The following ABHD2 variants were observed in gnomAD, a reference collection of about 807,000 sequenced individuals.
ABHD2 encodes the protein monoacylglycerol lipase ABHD2.
A neutral mutation model predicts 48.1 loss-of-function variants in ABHD2; 20 were observed. The observed-to-expected ratio is 0.42, with a 90% CI of 0.29 to 0.60. ABHD2 has a LOEUF of 0.60. Among genes scored for constraint, ABHD2 ranks in the 20% least tolerant of loss-of-function variants. ABHD2 has a pLI of 0.24. For synonymous variants in ABHD2, 209 were observed against 214.2 expected (o/e 0.98, Z 0.21); for missense variants, 405 against 550.9 (o/e 0.74, Z 2.65).
rs74777716 is a variant in ABHD2 at position 89,111,816 on chromosome 15, T to G, written c.-106-1909T>G. Among the ~76,000 whole-genome samples, 1,211 of 152,310 alleles carry G rather than the reference T, an allele frequency of 8.0e-3. 13 individuals are homozygous for G. Among genetic ancestry groups the G allele is most frequent in the African/African-American group, 0.027 (1,131 of 41,556 alleles). On this transcript the variant is annotated intron_variant, in intron 1 of 10. Coordinates refer to ENST00000352732, the MANE Select transcript of ABHD2 (RefSeq NM_152924.5). ...TTTCTTGAAGCTGTCTCAAATAGTT[T>G]GTGGAAAGAGTTAAGGTATAAATAA... is the stretch of plus-strand genomic sequence containing the variant.
At position 89,201,779 on chromosome 15, in the gene ABHD2, C is replaced by T. The variant is rs568177208; in HGVS notation, c.*6356C>T. On this transcript the variant is annotated 3_prime_UTR_variant, in exon 11 of 11. Transcript: ENST00000352732. ...GGACCAGGATCTGCTCGTGCTTCGC[C>T]GTGGCCCCGGAGGCAGACGCCATTG... 62 of 1,491,886 alleles carry T rather than the reference C, an allele frequency of 4.2e-5. No homozygotes were observed. The highest frequency in any genetic ancestry group is 6.8e-5 in the South Asian group (6 of 88,514). 92.4% of individuals were successfully genotyped at this position (1,491,886 alleles called of 1,614,324 possible).
the ABHD2 span, among the ~76,000 whole-genome samples, chr15:89,069,674 CTTTTTT>C: frequency 3.4e-4 from 18 of 52,900 alleles, no homozygotes; most frequent in African/African-American, 1.0e-3. Flanking sequence ...TTCATTTACT[CTTTTTT>C]TTTTTTTTTT....
intron 3 of ABHD2, among the ~76,000 whole-genome samples, chr15:89,122,647 C>G (rs1596084435): frequency 6.6e-6 from 1 of 152,192 alleles, no homozygotes; most frequent in Non-Finnish European, 1.5e-5. Context: ...AATGGCAGTT[C>G]ACAGCCTCCA....
intron 5 of ABHD2, among the ~76,000 whole-genome samples, chr15:89,170,007 G>A (rs79907450): frequency 0.016 from 2,319 of 147,776 alleles, 30 homozygotes; most frequent in South Asian, 0.03. Context: ...GGGAGAGGGT[G>A]CCAGCCCCAC....
rs1304589212 is a variant in ABHD2, at chr15:89,104,032, C to G, written c.-106-9693C>G. The G allele has an allele frequency of 2.0e-5, 3 of 152,222 alleles. No homozygotes were observed. The allele number at this position is 152,222 out of a possible 1,614,324, so 9.4% of individuals were successfully genotyped here. A position where few individuals can be genotyped will look rare whatever the true frequency, so the allele number is the denominator to read the frequency against. ...ACTGGCAGGAGATCCTGTTTCTACT[C>G]ACAGCGTCCGAGGTATTTATAAAAC... On this transcript the variant is annotated intron_variant, in intron 1 of 10. Coordinates refer to ENST00000352732, the MANE Select transcript of ABHD2 (RefSeq NM_152924.5). This position sits in a 1 kb window ranked among gnomAD's most constrained non-coding sequence, Gnocchi z 4.4.
At position 89,177,175 on chromosome 15, in the gene ABHD2, G is replaced by A. The variant is rs374645017; in HGVS notation, c.722+1180G>A. 2.0e-5 allele frequency among the ~76,000 whole-genome samples: 3 copies of A among 152,094 alleles called. No homozygotes were observed. Among genetic ancestry groups the A allele is most frequent in the African/African-American group, 4.8e-5 (2 of 41,390 alleles). On this transcript the variant is annotated intron_variant, in intron 6 of 10. Coordinates refer to ENST00000352732, the MANE Select transcript of ABHD2 (RefSeq NM_152924.5). The surrounding 1 kb of genome is among the most constrained non-coding windows in gnomAD (Gnocchi z 5.6). ...GGTCTGGGTTCTATTTTTCCGTGCC[G>A]GCAATATGGGGATGATGATGATAAG...
chr15:89,110,634 T>C (rs914045100), intron 1 of ABHD2, among the ~76,000 whole-genome samples: 4 of 152,174 alleles, frequency 2.6e-5, no homozygotes, highest in African/African-American at 9.7e-5. Context: ...GTCAGGTACT[T>C]AATTAAGCCT....
chr15:89,119,783 T>G (rs2050018625), intron 3 of ABHD2, among the ~76,000 whole-genome samples: 1 of 152,346 alleles, frequency 6.6e-6, no homozygotes, highest in Admixed American at 6.5e-5. Flanking sequence ...CACTGGAAGC[T>G]ACTGTCCCCC....
In ABHD2 at chr15:89,110,665, C is replaced by T. The variant is rs548752148; in HGVS notation, c.-106-3060C>T. Among the ~76,000 whole-genome samples the T allele has an allele frequency of 1.7e-4, 26 of 152,122 alleles. 1 individual carries two copies. The highest frequency in any genetic ancestry group is 1.7e-3 in the Admixed American group (26 of 15,276). On this transcript the variant is annotated intron_variant, in intron 1 of 10. Transcript: ENST00000352732. ...AGCCTGCTGAAACTCCAGGGAGTAC[C>T]CCCAGGGACATGCAGAACTGACCTG...
the ABHD2 span, among the ~76,000 whole-genome samples, chr15:89,055,586 C>A: frequency 1.3e-5 from 2 of 152,086 alleles, no homozygotes. Flanking sequence ...CCGCTGGCCT[C>A]GGCCTCCCAA....
At chr15:89,108,503 G>A (rs1335974192) in intron 1 of ABHD2, among the ~76,000 whole-genome samples, 3 of 152,198 alleles carry the variant, frequency 2.0e-5, no homozygotes, top group African/African-American at 4.8e-5. Context: ...TCCAAATACC[G>A]TCACATTCAC....
intron 3 of ABHD2, among the ~76,000 whole-genome samples, chr15:89,130,134 CAA>C (rs1030732328): frequency 2.0e-5 from 3 of 152,142 alleles, no homozygotes; most frequent in African/African-American, 7.2e-5. Context: ...GCAATATTGT[CAA>C]AATTATATTA....
chr15:89,122,701 G>T (rs527270511), intron 3 of ABHD2, among the ~76,000 whole-genome samples: 1 of 152,312 alleles, frequency 6.6e-6, no homozygotes, highest in South Asian at 2.1e-4. Flanking sequence ...ACCAGGTCCC[G>T]GTTGGGAAGT....
intron 1 of ABHD2, among the ~76,000 whole-genome samples, chr15:89,108,430 G>C (rs1385169654): frequency 6.6e-6 from 1 of 152,158 alleles, no homozygotes; most frequent in Non-Finnish European, 1.5e-5. Context: ...CAGTCATGGG[G>C]TTAGGACTCC....
Position 89,135,144 on chromosome 15 carries a change from T to TTTTCTTC in ABHD2, c.195-16530_195-16529insCTTCTTT, listed in dbSNP as rs1555429066. Among the ~76,000 whole-genome samples the TTTTCTTC allele has an allele frequency of 9.2e-5, 8 of 86,654 alleles. 1 individual carries two copies. In the Admixed American group the frequency reaches 9.7e-4, roughly 10 times the overall value. 56.8% of individuals were successfully genotyped at this position (86,654 alleles called of 152,430 possible). A position where few individuals can be genotyped will look rare whatever the true frequency, so the allele number is the denominator to read the frequency against. On this transcript the variant is annotated intron_variant, in intron 3 of 10. Transcript: ENST00000352732. Reference sequence around the variant, plus strand: ...TCAACAAAATGGCTACAACTTTTTCTTTTTTTTTTTTTTTTTTGCAATTAC... The same window carrying TTTTCTTC: ...TCAACAAAATGGCTACAACTTTTTCTTTTCTTCTTTTTTTTTTTTTTTTTGCAATTAC...
At position 89,092,764 on chromosome 15, in the gene ABHD2, C is replaced by T. The variant is rs1246764042; in HGVS notation, c.-107+4201C>T. On this transcript the variant is annotated intron_variant, in intron 1 of 10. Coordinates refer to ENST00000352732, the MANE Select transcript of ABHD2 (RefSeq NM_152924.5). The surrounding 1 kb of genome is among the most constrained non-coding windows in gnomAD (Gnocchi z 4.4). ...TGCATACATGCTATTTGGAACCTTG[C>T]CTTTTTCACTTAATATTTCTTGGCA... Among the ~76,000 whole-genome samples the T allele has an allele frequency of 2.0e-5, 3 of 152,208 alleles. No homozygotes were observed. The highest frequency in any genetic ancestry group is 4.4e-5 in the Non-Finnish European group (3 of 68,036).
At chr15:89,082,254 C>G in the ABHD2 span, among the ~76,000 whole-genome samples, 7 of 152,248 alleles carry the variant, frequency 4.6e-5, 1 homozygote, top group South Asian at 1.5e-3. This position sits in a 1 kb window ranked among gnomAD's most constrained non-coding sequence, Gnocchi z 4.4. Context: ...GCAGAGAGTA[C>G]AGAGATAGGG....
At chr15:89,093,262 C>T (rs1431781826) in intron 1 of ABHD2, among the ~76,000 whole-genome samples, 1 of 150,248 alleles carries the variant, frequency 6.7e-6, no homozygotes, top group East Asian at 2.0e-4. Context: ...CTCGCTGCAA[C>T]CTCTGCTTCG....
At position 89,183,384 on chromosome 15, in the gene ABHD2, A is replaced by AAAAAT. The variant is rs61602174; in HGVS notation, c.723-2039_723-2038insAAATA. On this transcript the variant is annotated intron_variant, in intron 6 of 10. Transcript: ENST00000352732. ...AGTCCTTTTCAAAAAAAAAAAAAAA[A>AAAAAT]ATATATATATATATATATATATATA... The AAAAAT allele has an allele frequency of 8.4e-4, 39 of 46,268 alleles. 1 individual carries two copies. Among genetic ancestry groups the AAAAAT allele is most frequent in the East Asian group, 3.1e-3 (4 of 1,282 alleles). The allele number at this position is 46,268 out of a possible 1,614,324, so 2.9% of individuals were successfully genotyped here.
Sources: allele counts gnomAD v4.1 joint callset (sites outside exome capture counted in the v4.1 genomes callset), GRCh38; gene constraint gnomAD v4.1.1; non-coding constraint Gnocchi (gnomAD v3.1); transcripts MANE v1.5; gene names NCBI Gene and HGNC (gene_info 2026-07-23, HGNC 2026-07-21).